ZBTB7A: variants seen among roughly 807,000 people sequenced by gnomAD.
ZBTB7A encodes zinc finger and BTB domain containing 7A, also known as zinc finger and BTB domain-containing protein 7A.
Under a neutral mutation model 26.7 loss-of-function variants are expected in ZBTB7A, and 7 were observed. The ratio of observed to expected loss-of-function variants is 0.26; its 90% CI spans 0.15 to 0.49. The LOEUF (loss-of-function observed/expected upper bound fraction) is 0.49, where lower values mean the gene tolerates loss of function less well. Ranked by LOEUF, ZBTB7A falls within the 20% of genes least tolerant of loss-of-function variation. ZBTB7A has a pLI of 0.98. For synonymous variants in ZBTB7A, 452 were observed against 441.0 expected (o/e 1.02, Z -0.31); for missense variants, 617 against 919.5 (o/e 0.67, Z 4.25).
intron 2 of ZBTB7A, among the ~76,000 whole-genome samples, chr19:4,053,044 G>A (rs1430532527): frequency 3.9e-5 from 6 of 152,352 alleles, no homozygotes; most frequent in African/African-American, 7.2e-5. Flanking sequence ...GCCGCTCCAC[G>A]GCCTGGGCTG....
rs1234222732 is a variant in ZBTB7A at position 4,047,126 on chromosome 19, G to A, written c.*626C>T. 1.3e-5 allele frequency: 2 copies of A among 152,082 alleles called. No homozygotes were observed. Among genetic ancestry groups the A allele is most frequent in the Admixed American group, 1.3e-4 (2 of 15,272 alleles). 9.4% of individuals were successfully genotyped at this position (152,082 alleles called of 1,614,324 possible). On this transcript the variant is annotated 3_prime_UTR_variant, in exon 3 of 3. Coordinates refer to ENST00000322357, the MANE Select transcript of ZBTB7A (RefSeq NM_015898.4). ...GGAGACGTGGGGTGGGCGACGGGGG[G>A]AGGCCGCAGGCAGGGTTGGAGGCGG...
At position 4,043,720 on chromosome 19, in the gene ZBTB7A, G is replaced by GCCCC. The variant is rs563150775; in HGVS notation, c.*4028_*4031dup. 1.3e-5 allele frequency among the ~76,000 whole-genome samples: 1 copy of GCCCC among 74,228 alleles called. No homozygotes were observed. 48.7% of individuals were successfully genotyped at this position (74,228 alleles called of 152,430 possible). A position where few individuals can be genotyped will look rare whatever the true frequency, so the allele number is the denominator to read the frequency against. On this transcript the variant is annotated 3_prime_UTR_variant, in exon 3 of 3. Transcript: ENST00000322357. ...TGGCCCCCTCCACCCCCTGGGCCCG[G>GCCCC]CCCCCCCCCCCCCCCCCCGTAAATC...
intron 2 of ZBTB7A, among the ~76,000 whole-genome samples, chr19:4,050,035 T>A (rs1478107702): frequency 6.6e-6 from 1 of 152,210 alleles, no homozygotes; most frequent in African/African-American, 2.4e-5. Flanking sequence ...GCAATTCTTC[T>A]GCCTCAGCCT....
intron 1 of ZBTB7A, among the ~76,000 whole-genome samples, chr19:4,061,084 C>T (rs566391830): frequency 1.6e-4 from 24 of 152,174 alleles, no homozygotes; most frequent in Admixed American, 1.1e-3. Context: ...GTCAGGGTCC[C>T]GCTCACATCC....
At chr19:4,050,852 G>A (rs942701896) in intron 2 of ZBTB7A, among the ~76,000 whole-genome samples, 4 of 152,030 alleles carry the variant, frequency 2.6e-5, no homozygotes, top group Admixed American at 6.6e-5. Context: ...TAACCCCAGC[G>A]CTTTGGGAGG....
chr19:4,054,040 G>A lies in ZBTB7A; in HGVS notation c.1193C>T (p.Pro398Leu). Residue 398 changes from proline to leucine, a missense_variant, in exon 2 of 3, where the codon CCG (proline) becomes CTG (leucine). Around this residue, in one of 5 missense-constraint regions of ZBTB7A, gnomAD observed 41 missense variants for 167.6 expected, o/e 0.24. Transcript: ENST00000322357. The part of the protein sequence containing the change: ...EKVIQGAGKL[P>L]RHIRTHTGEK... ...GCCCGTGTGGGTGCGGATGTGTCGC[G>A]GCAGCTTGCCGGCGCCCTGGATGAC... 1 of 1,612,280 alleles carries A rather than the reference G, an allele frequency of 6.2e-7. No homozygotes were observed. Among genetic ancestry groups the A allele is most frequent in the Non-Finnish European group, 8.5e-7 (1 of 1,179,828 alleles).
At chr19:4,060,445 G>A (rs1040815176) in intron 1 of ZBTB7A, among the ~76,000 whole-genome samples, 6 of 152,258 alleles carry the variant, frequency 3.9e-5, no homozygotes, top group African/African-American at 9.6e-5. Context: ...CAAACTAACT[G>A]GGCACCTTCA....
rs908296481 is a variant in ZBTB7A, at chr19:4,054,234, C to T, written c.999G>A (p.Ala333=). The T allele has an allele frequency of 3.8e-6, 6 of 1,581,908 alleles. No individual in the cohort carries two copies. The Admixed American group carries it at 6.9e-5, about 18-fold the overall frequency. The change falls in exon 2 of 3, where the codon GCG becomes GCA. Residue 333 remains alanine, a synonymous_variant. Coordinates refer to ENST00000322357, the MANE Select transcript of ZBTB7A (RefSeq NM_015898.4). ...GCGACTCCTCGTCGCTGTCCCCCGC[C>T]GCGGCCCCCGCCCGGCCCACCGATG... The part of the protein sequence containing the change: ...MMSSVGRAGA[A]AGDSDEESRA...
chr19:4,065,043 G>T (rs530351984), intron 1 of ZBTB7A, among the ~76,000 whole-genome samples: 5 of 151,750 alleles, frequency 3.3e-5, no homozygotes, highest in East Asian at 2.0e-4. Flanking sequence ...TCCCAGGCCG[G>T]GGGGGCTGGG....
In ZBTB7A at chr19:4,045,155, CG is replaced by C. The variant is rs2040399142; in HGVS notation, c.*2596del. On this transcript the variant is annotated 3_prime_UTR_variant, in exon 3 of 3. Transcript: ENST00000322357. The surrounding 1 kb of genome is among the most constrained non-coding windows in gnomAD (Gnocchi z 4.1). The stretch of plus-strand genomic sequence containing the variant: ...CGGTGGGCCGCAGCCCTTGTTCCTA[CG>C]GAAGTCCCAGAGGGCTCCACCCCCC... 1 of 152,400 alleles carries C rather than the reference CG, an allele frequency of 6.6e-6. No homozygotes were observed. Among genetic ancestry groups the C allele is most frequent in the African/African-American group, 2.4e-5 (1 of 41,580 alleles). 9.4% of individuals were successfully genotyped at this position (152,400 alleles called of 1,614,324 possible).
intron 1 of ZBTB7A, 74 bp downstream of exon 1, chr19:4,066,608 G>A (rs1156765415): frequency 6.6e-6 from 1 of 151,696 alleles, no homozygotes; most frequent in African/African-American, 2.4e-5. Context: ...CGAGGGGGCA[G>A]CGGTGGCCGC....
rs1381620457 is a variant in ZBTB7A at position 4,049,188 on chromosome 19, ATATATATATATATATATATATGT to A, written c.1263-967_1263-945del. 5.1e-3 allele frequency among the ~76,000 whole-genome samples: 148 copies of A among 28,738 alleles called. 21 individuals carry two copies. Among genetic ancestry groups the A allele is most frequent in the East Asian group, 0.019 (4 of 206 alleles). The allele number at this position is 28,738 out of a possible 152,430, so 18.9% of individuals were successfully genotyped here. On this transcript the variant is annotated intron_variant, in intron 2 of 2. Coordinates refer to ENST00000322357, the MANE Select transcript of ZBTB7A (RefSeq NM_015898.4). ...TGTGTGTATATATATATATATATATATATATATATATATATATATATGTAAGTTTGAGAGATGGGGGTTGAGCT... is the reference window on the plus strand; with the variant it reads ...TGTGTGTATATATATATATATATATAAAGTTTGAGAGATGGGGGTTGAGCT...
chr19:4,059,240 C>T (rs750096884), intron 1 of ZBTB7A, among the ~76,000 whole-genome samples: 1 of 152,236 alleles, frequency 6.6e-6, no homozygotes. Flanking sequence ...TTCCTCCCCT[C>T]GGGTGACCAG....
rs2040551168 is a variant in ZBTB7A, at chr19:4,054,587, C to T, written c.646G>A (p.Gly216Ser). The change falls in exon 2 of 3, where the codon GGC becomes AGC. Residue 216 changes from glycine to serine, a missense_variant. Coordinates refer to ENST00000322357, the MANE Select transcript of ZBTB7A (RefSeq NM_015898.4). ...GGGCCCGGCCCATAGAAGTCTAAGC[C>T]GTTGCAGTCGCCCGCGGCCACGGCG... ...VAAVAAGDCN[G>S]LDFYGPGPPA... 1.3e-5 allele frequency: 20 copies of T among 1,561,468 alleles called. No homozygotes were observed. Among genetic ancestry groups the T allele is most frequent in the South Asian group, 2.3e-5 (2 of 85,602 alleles).
intron 1 of ZBTB7A, among the ~76,000 whole-genome samples, chr19:4,057,300 G>A (rs1167715889): frequency 3.3e-5 from 5 of 151,616 alleles, no homozygotes; most frequent in African/African-American, 9.7e-5. Context: ...GTGAGATTGC[G>A]CCATTGTACT....
chr19:4,057,623 A>AAAAAT (rs1412631335), intron 1 of ZBTB7A, among the ~76,000 whole-genome samples: 1 of 151,444 alleles, frequency 6.6e-6, no homozygotes, highest in African/African-American at 2.4e-5. Context: ...CCCCATTTCT[A>AAAAAT]ACAAAAAATT....
chr19:4,048,282 C>T lies in ZBTB7A; in HGVS notation c.1263-38G>A. 3 of 1,525,778 alleles carry T rather than the reference C, an allele frequency of 2.0e-6. No homozygotes were observed. Among genetic ancestry groups the T allele is most frequent in the Non-Finnish European group, 2.6e-6 (3 of 1,146,230 alleles). The allele number at this position is 1,525,778 out of a possible 1,614,324, so 94.5% of individuals were successfully genotyped here. ...CACGGGGCGGGCACGGTCAGTGGGGCCGGGGACCCCCGATCCCCGCCCAGG... is the reference window on the plus strand; with the variant it reads ...CACGGGGCGGGCACGGTCAGTGGGGTCGGGGACCCCCGATCCCCGCCCAGG... On this transcript the variant is annotated intron_variant, in intron 2 of 2. Coordinates refer to ENST00000322357, the MANE Select transcript of ZBTB7A (RefSeq NM_015898.4). The surrounding 1 kb of genome is among the most constrained non-coding windows in gnomAD (Gnocchi z 6.7).
At chr19:4,056,511 G>GAGGTAGGAGT (rs1400532892) in intron 1 of ZBTB7A, among the ~76,000 whole-genome samples, 1 of 152,188 alleles carries the variant, frequency 6.6e-6, no homozygotes, top group Non-Finnish European at 1.5e-5. Context: ...CAGATCACTT[G>GAGGTAGGAGT]AGGTCAGGAG....
In ZBTB7A at chr19:4,054,381, C is replaced by T. The variant is rs756156580; in HGVS notation, c.852G>A (p.Ser284=). 95 of 1,427,954 alleles carry T rather than the reference C, an allele frequency of 6.7e-5. No homozygotes were observed. In the Admixed American group the frequency reaches 7.0e-4, roughly 10 times the overall value. The allele number at this position is 1,427,954 out of a possible 1,614,324, so 88.5% of individuals were successfully genotyped here. A position where few individuals can be genotyped will look rare whatever the true frequency, so the allele number is the denominator to read the frequency against. The change falls in exon 2 of 3, where the codon TCG becomes TCA. Residue 284 remains serine, a synonymous_variant. Coordinates refer to ENST00000322357, the MANE Select transcript of ZBTB7A (RefSeq NM_015898.4). ...RGGEEEAASL[S]EAAPEPGDSP... is the part of the protein sequence containing the mutation. ...AGTCGCCCGGCTCGGGGGCCGCCTCCGACAGCGAGGCGGCCTCCTCCTCTC... is the reference window on the plus strand; with the variant it reads ...AGTCGCCCGGCTCGGGGGCCGCCTCTGACAGCGAGGCGGCCTCCTCCTCTC...
Sources: gnomAD v4.1 joint callset for allele counts (sites outside exome capture counted in the v4.1 genomes callset) on GRCh38, gnomAD v4.1.1 for gene constraint, gnomAD v4.1.1 regional missense constraint, Gnocchi (gnomAD v3.1) non-coding constraint, MANE v1.5 for transcripts, NCBI Gene and HGNC (gene_info 2026-07-23, HGNC 2026-07-21) for gene names.